Variants in DNAH5 observed in about 807,000 individuals in gnomAD.
DNAH5 encodes axonemal beta dynein heavy chain 5.
Under a neutral mutation model 518.2 loss-of-function variants are expected in DNAH5, and 372 were observed. That is an observed-to-expected ratio of 0.72 (90% CI 0.66 to 0.78). DNAH5 has a LOEUF of 0.78. Among genes scored for constraint, DNAH5 ranks in the 30% least tolerant of loss-of-function variants. The pLI, the probability that DNAH5 is intolerant of heterozygous loss-of-function variation, is 0.00. For synonymous variants in DNAH5, 2,039 were observed against 2,025.9 expected, an observed-to-expected ratio of 1.01 and a Z score of -0.17; for missense variants, 5,523 against 5,687.0, an observed-to-expected ratio of 0.97 and a Z score of 0.93.
At position 13,737,769 on chromosome 5, in the gene DNAH5, C is replaced by CA. The variant is rs1195685416; in HGVS notation, c.11212-275dup. Reference sequence around the variant, plus strand: ...GTAAAACCCCATCTCTACTAAAATACAAAAAAAAATAGCTGGGCGTGGTGG... The same window carrying CA: ...GTAAAACCCCATCTCTACTAAAATACAAAAAAAAAATAGCTGGGCGTGGTGG... On this transcript the variant is annotated intron_variant, in intron 65 of 78. Coordinates refer to ENST00000265104, the MANE Select transcript of DNAH5 (RefSeq NM_001369.3). Among the ~76,000 whole-genome samples, 106 of 150,450 alleles carry CA rather than the reference C, an allele frequency of 7.0e-4. 2 individuals are homozygous for CA. In the Middle Eastern group the frequency reaches 0.01, roughly 14 times the overall value.
chr5:13,835,992 A>T (rs1764335935), intron 35 of DNAH5, among the ~76,000 whole-genome samples: 1 of 152,172 alleles, frequency 6.6e-6, no homozygotes, highest in Non-Finnish European at 1.5e-5. Context: ...AGATTATTGG[A>T]AAATGAGGTG....
chr5:13,794,721 T>C (rs762881535), intron 47 of DNAH5, among the ~76,000 whole-genome samples: 1 of 152,136 alleles, frequency 6.6e-6, no homozygotes, highest in Non-Finnish European at 1.5e-5. Flanking sequence ...ATCCCAGCAC[T>C]TTGGGAGGCA....
At chr5:13,745,109 G>T (rs1749150013) in intron 65 of DNAH5, among the ~76,000 whole-genome samples, 1 of 152,074 alleles carries the variant, frequency 6.6e-6, no homozygotes, top group African/African-American at 2.4e-5. Flanking sequence ...TGTATTGTGT[G>T]ACCAGCAGGA....
intron 61 of DNAH5, among the ~76,000 whole-genome samples, chr5:13,755,959 T>C (rs1343046161): frequency 6.6e-6 from 1 of 152,098 alleles, no homozygotes; most frequent in African/African-American, 2.4e-5. Context: ...ATGTTGACAA[T>C]GCAAGAGAAA....
chr5:13,874,268 A>G (rs532777904), intron 22 of DNAH5, among the ~76,000 whole-genome samples: 1 of 152,320 alleles, frequency 6.6e-6, no homozygotes, highest in Admixed American at 6.5e-5. Flanking sequence ...CCAGAAATGG[A>G]TAGAAGTTCC....
At chr5:13,833,787 G>A (rs1764007061) in intron 35 of DNAH5, among the ~76,000 whole-genome samples, 1 of 152,216 alleles carries the variant, frequency 6.6e-6, no homozygotes, top group Non-Finnish European at 1.5e-5. Flanking sequence ...AGTGACAGCA[G>A]TAGTCAGGAC....
intron 30 of DNAH5, among the ~76,000 whole-genome samples, chr5:13,857,240 C>T (rs1277247613): frequency 2.0e-5 from 3 of 152,236 alleles, no homozygotes; most frequent in South Asian, 2.1e-4. Flanking sequence ...AGAGCCAAAT[C>T]GTTAGTGAAC....
upstream of DNAH5, among the ~76,000 whole-genome samples, chr5:13,947,977 C>T (rs1780061697): frequency 6.6e-6 from 1 of 152,158 alleles, no homozygotes; most frequent in South Asian, 2.1e-4. Flanking sequence ...TGCTGTTGGC[C>T]AGACAAAAAT....
rs1331823563 is a variant in DNAH5, at chr5:13,841,027, A to C, written c.5588T>G (p.Phe1863Cys). The C allele has an allele frequency of 6.2e-7, 1 of 1,614,050 alleles. No homozygotes were observed. The highest frequency in any genetic ancestry group is 8.5e-7 in the Non-Finnish European group (1 of 1,180,022). ...TATCAATGTATTGAGTAGCTCCAGG[A>C]AAGCCTGATTAGTTTTCTGCATGAT... The part of the protein sequence containing the change: ...KKIMQKTNQA[F>C]LELLNTLIDV... Residue 1863 changes from phenylalanine to cysteine, a missense_variant, in exon 34 of 79, where the codon TTC becomes TGC. Coordinates refer to ENST00000265104, the MANE Select transcript of DNAH5 (RefSeq NM_001369.3).
In DNAH5 at chr5:13,791,999, G is replaced by A; in HGVS notation, c.8443C>T (p.Pro2815Ser). 1 of 1,612,794 alleles carries A rather than the reference G, an allele frequency of 6.2e-7. No homozygotes were observed. Among genetic ancestry groups the A allele is most frequent in the Non-Finnish European group, 8.5e-7 (1 of 1,179,038 alleles). ...CTTTCTTCAGTGTCACTTACATTTG[G>A]TTCCTTGATGACCTCTGAAGTAGTG... The part of the protein sequence containing the change: ...LNTTSEVIKE[P>S]NDLLKLWKHE... The change falls in exon 50 of 79, where the codon CCA becomes TCA. Residue 2815 changes from proline to serine, a missense_variant. Pro to Ser is a moderately conservative substitution (Grantham distance 74, BLOSUM62 -1). Coordinates refer to ENST00000265104, the MANE Select transcript of DNAH5 (RefSeq NM_001369.3).
intron 61 of DNAH5, among the ~76,000 whole-genome samples, chr5:13,757,241 C>A (rs1236899871): frequency 6.6e-6 from 1 of 152,158 alleles, no homozygotes; most frequent in Non-Finnish European, 1.5e-5. Flanking sequence ...ATTGCTGGGT[C>A]AATGGTATTT....
intron 1 of DNAH5, among the ~76,000 whole-genome samples, chr5:13,954,966 T>C (rs140113341): frequency 0.016 from 2,367 of 152,320 alleles, 25 homozygotes; most frequent in South Asian, 0.052. Context: ...TGTGCTTCAT[T>C]TTGAAACAAC....
intron 70 of DNAH5, among the ~76,000 whole-genome samples, chr5:13,726,725 T>C (rs1020673773): frequency 1.3e-5 from 2 of 152,238 alleles, no homozygotes. Context: ...TAAGTGGACT[T>C]GGAGGTAGTT....
chr5:13,703,873 C>T (rs1170347375), intron 76 of DNAH5, among the ~76,000 whole-genome samples: 1 of 152,182 alleles, frequency 6.6e-6, no homozygotes, highest in East Asian at 1.9e-4. Flanking sequence ...AGGTTGGGTC[C>T]AAGGCTCTAG....
chr5:13,841,187 A>T, intron 33 of DNAH5, 57 bp from the exon 34 acceptor site: 3 of 1,336,202 alleles, frequency 2.2e-6, no homozygotes, highest in Non-Finnish European at 3.2e-6. Flanking sequence ...GTATTTAAAT[A>T]GAAATACAAT....
chr5:13,883,775 A>C (rs527695711), intron 19 of DNAH5, among the ~76,000 whole-genome samples: 4 of 152,308 alleles, frequency 2.6e-5, no homozygotes, highest in African/African-American at 7.2e-5. Context: ...ACATTTATTA[A>C]GTTCTAATAA....
intron 2 of DNAH5, among the ~76,000 whole-genome samples, chr5:13,930,492 G>C (rs1778314678): frequency 6.6e-6 from 1 of 151,968 alleles, no homozygotes; most frequent in African/African-American, 2.4e-5. Flanking sequence ...TTTTCCTAAT[G>C]TCTAATTAGT....
chr5:13,770,374 G>A (rs1283259754), intron 56 of DNAH5, among the ~76,000 whole-genome samples: 3 of 152,122 alleles, frequency 2.0e-5, no homozygotes, highest in Non-Finnish European at 2.9e-5. Flanking sequence ...CGCAACTCCC[G>A]TCCAGGTCTA....
rs777237700 is a variant in DNAH5 at position 13,862,606 on chromosome 5, C to A, written c.4738G>T (p.Glu1580Ter). Residue 1580 changes from glutamate (E) to a stop codon, truncating the protein, a stop_gained, in exon 29 of 79, where the codon GAA becomes TAA. Transcript: ENST00000265104. LOFTEE classifies it high-confidence loss of function. Reference protein sequence around the residue: ...ELLLRGDSTSEIIANMEDSLM... With the variant: ...ELLLRGDSTS ...CTGTCCTCCATGTTGGCGATGATTT[C>A]CGAGGTACTGTCTCCTCTCAAGAGG... The A allele has an allele frequency of 6.2e-7, 1 of 1,613,992 alleles. No homozygotes were observed. Among genetic ancestry groups the A allele is most frequent in the Non-Finnish European group, 8.5e-7 (1 of 1,179,980 alleles).
Sources: gnomAD v4.1 joint callset for allele counts (sites outside exome capture counted in the v4.1 genomes callset) on GRCh38, gnomAD v4.1.1 for gene constraint, MANE v1.5 for transcripts, NCBI Gene and HGNC (gene_info 2026-07-23, HGNC 2026-07-21) for gene names.